TVP23A: variants seen among roughly 807,000 people sequenced by gnomAD.
TVP23A encodes the protein trans-golgi network vesicle protein 23 homolog A.
A neutral mutation model predicts 31.7 loss-of-function variants in TVP23A; 21 were observed. The observed-to-expected ratio is 0.66, with a 90% CI of 0.47 to 0.95. TVP23A has a LOEUF of 0.95. Among genes scored for constraint, TVP23A ranks in the 40% least tolerant of loss-of-function variants. The probability of loss-of-function intolerance (pLI) is 0.00; values close to 1 mark genes in which losing one functional copy is unlikely to be tolerated. For synonymous variants in TVP23A, 104 were observed against 96.0 expected (o/e 1.08, Z -0.49); for missense variants, 279 against 255.6 (o/e 1.09, Z -0.62).
downstream of TVP23A, among the ~76,000 whole-genome samples, chr16:10,759,360 C>G (rs553272992): frequency 6.6e-6 from 1 of 152,158 alleles, no homozygotes; most frequent in Non-Finnish European, 1.5e-5. This position sits in a 1 kb window ranked among gnomAD's most constrained non-coding sequence, Gnocchi z 4.7. Context: ...GACATGGGGA[C>G]GCAAGGAGGA....
chr16:10,805,607 C>T (rs1567312827), intron 2 of TVP23A, among the ~76,000 whole-genome samples: 1 of 150,584 alleles, frequency 6.6e-6, no homozygotes, highest in African/African-American at 2.4e-5. Context: ...ACCCCCGAGG[C>T]TGGGCTCCAC....
chr16:10,762,789 G>A (rs1392221625), downstream of TVP23A, among the ~76,000 whole-genome samples: 1 of 152,052 alleles, frequency 6.6e-6, no homozygotes, highest in Non-Finnish European at 1.5e-5. Flanking sequence ...GTATGGCCTG[G>A]CCAGGAGAGG....
downstream of TVP23A, among the ~76,000 whole-genome samples, chr16:10,760,048 G>A (rs1298321240): frequency 2.6e-5 from 4 of 152,238 alleles, no homozygotes; most frequent in East Asian, 1.9e-4. Flanking sequence ...GCTACTGAGC[G>A]GTGTTTATAC....
intron 2 of TVP23A, chr16:10,800,285 G>C (rs1319959924): frequency 6.6e-6 from 1 of 152,100 alleles, no homozygotes; most frequent in African/African-American, 2.4e-5. Context: ...TCTGAAGGCA[G>C]CAAATACTCA....
intron 7 of TVP23A, 88 bp from the exon 8 acceptor site, chr16:10,769,189 G>A (rs533400522): frequency 6.3e-6 from 8 of 1,271,462 alleles, no homozygotes; most frequent in Non-Finnish European, 9.1e-6. Flanking sequence ...CCAGCTCCGG[G>A]ATGGGGTGGG....
At chr16:10,791,486 A>G (rs1341674868) in intron 2 of TVP23A, among the ~76,000 whole-genome samples, 1 of 152,228 alleles carries the variant, frequency 6.6e-6, no homozygotes, top group Admixed American at 6.5e-5. Context: ...AGACATAGAC[A>G]AGCAAGCTGG....
At chr16:10,795,287 G>A (rs1052596588) in intron 2 of TVP23A, among the ~76,000 whole-genome samples, 5 of 148,080 alleles carry the variant, frequency 3.4e-5, no homozygotes, top group Admixed American at 1.4e-4. Flanking sequence ...GTCTCGCTCT[G>A]TTGCCCAGAC....
chr16:10,786,150 T>C (rs2032738921), intron 2 of TVP23A, among the ~76,000 whole-genome samples: 1 of 152,218 alleles, frequency 6.6e-6, no homozygotes, highest in African/African-American at 2.4e-5. Flanking sequence ...GGAGGCAGGT[T>C]GGCCTTAAGC....
At chr16:10,803,750 C>T (rs1420717331) in intron 2 of TVP23A, among the ~76,000 whole-genome samples, 1 of 152,026 alleles carries the variant, frequency 6.6e-6, no homozygotes, top group East Asian at 1.9e-4. Flanking sequence ...CAACAGCTGA[C>T]CATCAGGGCT....
chr16:10,765,035 G>A, downstream of TVP23A: 1 of 157,406 alleles, frequency 6.4e-6, no homozygotes, highest in Non-Finnish European at 1.4e-5. This position sits in a 1 kb window ranked among gnomAD's most constrained non-coding sequence, Gnocchi z 4.0. Context: ...CTGCCCGAGT[G>A]CCATGCTCGT....
chr16:10,768,556 G>A lies in TVP23A; in HGVS notation c.*546C>T, dbSNP rs560148015. The A allele has an allele frequency of 5.7e-5, 9 of 157,350 alleles. No homozygotes were observed. Among genetic ancestry groups the A allele is most frequent in the East Asian group, 5.6e-4 (3 of 5,340 alleles). 9.7% of individuals were successfully genotyped at this position (157,350 alleles called of 1,614,324 possible). Reference sequence around the variant, plus strand: ...TGGGAGGCGGAGGCTGCAGTAAGGCGAGATCGCGCCACTGCACTCCAGCCT... The same window carrying A: ...TGGGAGGCGGAGGCTGCAGTAAGGCAAGATCGCGCCACTGCACTCCAGCCT... On this transcript the variant is annotated 3_prime_UTR_variant, in exon 8 of 8. Transcript: ENST00000299866. The surrounding 1 kb of genome is among the most constrained non-coding windows in gnomAD (Gnocchi z 4.3).
At chr16:10,791,209 A>G (rs2033084547) in intron 2 of TVP23A, among the ~76,000 whole-genome samples, 1 of 152,178 alleles carries the variant, frequency 6.6e-6, no homozygotes, top group Non-Finnish European at 1.5e-5. Context: ...GGAAAAAACC[A>G]TGACCAGTAA....
chr16:10,767,863 C>T lies in TVP23A; in HGVS notation c.*1239G>A, dbSNP rs2031127802. 11 of 1,246,880 alleles carry T rather than the reference C, an allele frequency of 8.8e-6. No homozygotes were observed. In the South Asian group the frequency reaches 1.1e-4, roughly 12 times the overall value. 77.2% of individuals were successfully genotyped at this position (1,246,880 alleles called of 1,614,324 possible). A position where few individuals can be genotyped will look rare whatever the true frequency, so the allele number is the denominator to read the frequency against. On this transcript the variant is annotated 3_prime_UTR_variant, in exon 8 of 8. Coordinates refer to ENST00000299866, the MANE Select transcript of TVP23A (RefSeq NM_001079512.4). This position sits in a 1 kb window ranked among gnomAD's most constrained non-coding sequence, Gnocchi z 4.6. Reference sequence around the variant, plus strand: ...AGCGGGCTCAAGATCTTCCCATTGTCACCAGCACGGAAAGAGCCCCAAGAT... The same window carrying T: ...AGCGGGCTCAAGATCTTCCCATTGTTACCAGCACGGAAAGAGCCCCAAGAT...
chr16:10,763,787 G>A (rs1427348630), downstream of TVP23A: 2 of 155,684 alleles, frequency 1.3e-5, no homozygotes, highest in African/African-American at 4.8e-5. Context: ...TGACAAGGGA[G>A]AGCGTTAGCC....
downstream of TVP23A, chr16:10,761,927 A>G (rs1250883190): frequency 1.6e-6 from 2 of 1,249,996 alleles, no homozygotes; most frequent in African/African-American, 3.0e-5. Context: ...GTCGGGCACA[A>G]CAGGGGGCGG....
intron 2 of TVP23A, among the ~76,000 whole-genome samples, chr16:10,803,153 G>T (rs568529205): frequency 6.6e-6 from 1 of 152,030 alleles, no homozygotes; most frequent in Non-Finnish European, 1.5e-5. Context: ...GCGTGGTGGC[G>T]GGTGCCTGTA....
At chr16:10,791,247 C>T (rs1171962832) in intron 2 of TVP23A, among the ~76,000 whole-genome samples, 3 of 152,096 alleles carry the variant, frequency 2.0e-5, no homozygotes, top group African/African-American at 4.8e-5. Context: ...CTTTGTCAGA[C>T]GAATGTTTTT....
intron 2 of TVP23A, among the ~76,000 whole-genome samples, chr16:10,787,400 AG>A (rs1308918870): frequency 6.6e-6 from 1 of 152,166 alleles, no homozygotes; most frequent in Admixed American, 6.5e-5. Context: ...CAATAGGAAA[AG>A]GCTACCTGGG....
At chr16:10,762,954 G>A (rs1234298490), downstream of TVP23A, among the ~76,000 whole-genome samples, 2 of 151,706 alleles carry the variant, frequency 1.3e-5, no homozygotes, top group African/African-American at 2.4e-5. Flanking sequence ...GGGAACAGGA[G>A]GCTCAGGAGT....
Sources: allele counts gnomAD v4.1 joint callset (sites outside exome capture counted in the v4.1 genomes callset), GRCh38; gene constraint gnomAD v4.1.1; non-coding constraint Gnocchi (gnomAD v3.1); transcripts MANE v1.5; gene names NCBI Gene and HGNC (gene_info 2026-07-23, HGNC 2026-07-21).